The following PLCB4 variants were observed in gnomAD, a reference collection of about 807,000 sequenced individuals.
The protein encoded by PLCB4 is 1-phosphatidylinositol 4,5-bisphosphate phosphodiesterase beta-4.
Under a neutral mutation model 178.8 loss-of-function variants are expected in PLCB4, and 77 were observed. That is an observed-to-expected ratio of 0.43 (90% CI 0.36 to 0.52). The LOEUF (loss-of-function observed/expected upper bound fraction) is 0.52, where lower values mean the gene tolerates loss of function less well. Among genes scored for constraint, PLCB4 ranks in the 20% least tolerant of loss-of-function variants. The pLI is 0.00. For missense variants in PLCB4, 1,024 were observed against 1,453.4 expected (o/e 0.70, Z 4.80); for synonymous variants, 496 against 490.8 (o/e 1.01, Z -0.14).
At chr20:9,410,557 C>A (rs753374681) in intron 24 of PLCB4, among the ~76,000 whole-genome samples, 27 of 152,100 alleles carry the variant, frequency 1.8e-4, no homozygotes, top group Non-Finnish European at 3.8e-4. Flanking sequence ...CCAGTGTAGA[C>A]CCCACTAGAG....
At chr20:9,391,184 C>A (rs546491601) in intron 17 of PLCB4, among the ~76,000 whole-genome samples, 1 of 152,120 alleles carries the variant, frequency 6.6e-6, no homozygotes, top group African/African-American at 2.4e-5. Context: ...TCATGTTAAA[C>A]CTGCTAATTT....
chr20:9,209,472 T>C (rs967121860), intron 2 of PLCB4, among the ~76,000 whole-genome samples: 21 of 152,120 alleles, frequency 1.4e-4, no homozygotes, highest in Admixed American at 1.3e-3. Flanking sequence ...TTATGTTACA[T>C]GGCACAGTTT....
intron 3 of PLCB4, among the ~76,000 whole-genome samples, chr20:9,256,931 A>C (rs1023076519): frequency 6.6e-6 from 1 of 152,192 alleles, no homozygotes; most frequent in Non-Finnish European, 1.5e-5. Flanking sequence ...GTTGACATAA[A>C]TGGAAGGCAA....
In PLCB4 at chr20:9,444,158, A is replaced by T. The variant is rs371266996; in HGVS notation, c.2815-20A>T. 32 of 1,561,988 alleles carry T rather than the reference A, an allele frequency of 2.0e-5. No individual in the cohort carries two copies. Among genetic ancestry groups the T allele is most frequent in the Non-Finnish European group, 2.6e-5 (30 of 1,143,320 alleles). ...AGAAAAAACAAAAAACCTATTTTTG[A>T]TTCTATTTTTCTCCCAAAGGCTTAC... On this transcript the variant is annotated intron_variant, in intron 31 of 39. Coordinates refer to ENST00000378473, the MANE Select transcript of PLCB4 (RefSeq NM_001377142.1).
At chr20:9,191,904 A>G (rs2093410112) in intron 2 of PLCB4, among the ~76,000 whole-genome samples, 1 of 150,766 alleles carries the variant, frequency 6.6e-6, no homozygotes, top group Non-Finnish European at 1.5e-5. Context: ...TTAAATATAC[A>G]CATCCTTAGA....
At chr20:9,283,091 A>C (rs1202777114) in intron 3 of PLCB4, among the ~76,000 whole-genome samples, 1 of 151,960 alleles carries the variant, frequency 6.6e-6, no homozygotes, top group East Asian at 1.9e-4. Flanking sequence ...AGGGAGGGGA[A>C]GACTTTCTGG....
intron 7 of PLCB4, among the ~76,000 whole-genome samples, chr20:9,356,697 A>G (rs990966599): frequency 1.3e-5 from 2 of 152,220 alleles, no homozygotes; most frequent in Non-Finnish European, 2.9e-5. Context: ...GTCAAAAACT[A>G]TATTTCAAAT....
intron 7 of PLCB4, among the ~76,000 whole-genome samples, chr20:9,351,233 C>T (rs1022463097): frequency 1.3e-5 from 2 of 151,222 alleles, no homozygotes; most frequent in Non-Finnish European, 2.9e-5. Context: ...ATATGCACAA[C>T]GTGCAGGTTA....
At chr20:9,138,630 G>A (rs950776447) in intron 2 of PLCB4, among the ~76,000 whole-genome samples, 1 of 152,012 alleles carries the variant, frequency 6.6e-6, no homozygotes, top group African/African-American at 2.4e-5. Flanking sequence ...TGGGTTGCTT[G>A]GAAATATGGT....
At position 9,192,442 on chromosome 20, in the gene PLCB4, T is replaced by A. The variant is rs73093810; in HGVS notation, c.-78-24948T>A. Among the ~76,000 whole-genome samples the A allele has an allele frequency of 1.5e-3, 221 of 152,230 alleles. 1 individual carries two copies. The highest frequency in any genetic ancestry group is 1.5e-3 in the Non-Finnish European group (105 of 68,016). On this transcript the variant is annotated intron_variant, in intron 2 of 39. Coordinates refer to ENST00000378473, the MANE Select transcript of PLCB4 (RefSeq NM_001377142.1). Reference sequence around the variant, plus strand: ...GTTCATGAATGTGTGACCTGTGGAATTGCACAGGGTTCTAGACTCAGAAAG... The same window carrying A: ...GTTCATGAATGTGTGACCTGTGGAAATGCACAGGGTTCTAGACTCAGAAAG...
chr20:9,069,305 C>T (rs1600196323), intron 1 of PLCB4, 99 bp downstream of exon 1: 2 of 152,376 alleles, frequency 1.3e-5, no homozygotes, highest in African/African-American at 2.4e-5. Context: ...GACGCGCGCG[C>T]GCGCGCACCC....
At chr20:9,084,765 G>T (rs1028496075) in intron 1 of PLCB4, among the ~76,000 whole-genome samples, 1 of 151,974 alleles carries the variant, frequency 6.6e-6, no homozygotes, top group Non-Finnish European at 1.5e-5. Context: ...ATAAAGATTG[G>T]ATATAAAGAC....
At chr20:9,203,056 A>AAAAAAAATAT (rs769628056) in intron 2 of PLCB4, among the ~76,000 whole-genome samples, 2 of 126,162 alleles carry the variant, frequency 1.6e-5, no homozygotes, top group African/African-American at 6.6e-5. Context: ...AAAAAAAAAA[A>AAAAAAAATAT]ATATATATAT....
intron 2 of PLCB4, among the ~76,000 whole-genome samples, chr20:9,174,705 T>G (rs977781934): frequency 6.6e-6 from 1 of 152,160 alleles, no homozygotes; most frequent in Non-Finnish European, 1.5e-5. Flanking sequence ...AGTCCTTCCT[T>G]CACAATTGTC....
intron 3 of PLCB4, among the ~76,000 whole-genome samples, chr20:9,292,228 C>A (rs1423293465): frequency 6.6e-6 from 1 of 152,120 alleles, no homozygotes; most frequent in African/African-American, 2.4e-5. Context: ...AAAATCTTTC[C>A]TTTGAAATAG....
intron 15 of PLCB4, among the ~76,000 whole-genome samples, chr20:9,388,574 C>T (rs1177068706): frequency 6.6e-6 from 1 of 152,144 alleles, no homozygotes; most frequent in African/African-American, 2.4e-5. Flanking sequence ...CAAAAATTAG[C>T]TGGTGTGGTG....
chr20:9,143,431 A>G (rs2092534947), intron 2 of PLCB4, among the ~76,000 whole-genome samples: 1 of 152,146 alleles, frequency 6.6e-6, no homozygotes, highest in South Asian at 2.1e-4. Context: ...CTTTATATTC[A>G]GGCATAGTCA....
chr20:9,347,835 G>A (rs6077517), intron 7 of PLCB4, among the ~76,000 whole-genome samples: 3,182 of 152,262 alleles, frequency 0.021, 43 homozygotes, highest in Non-Finnish European at 0.034. Flanking sequence ...TTAGCCAGGC[G>A]TGGTGGCCCA....
Position 9,149,211 on chromosome 20 carries a change from C to T in PLCB4, c.-79+52869C>T, listed in dbSNP as rs138486351. 2.2e-3 allele frequency among the ~76,000 whole-genome samples: 328 copies of T among 152,236 alleles called. 2 individuals are homozygous for T. Among genetic ancestry groups the T allele is most frequent in the Middle Eastern group, 0.014 (4 of 294 alleles). ...TCTTCCAATCAGCTCTCACCAGACT[C>T]CCCTTTTCTCCACAGCAGCCTGATC... is the stretch of plus-strand genomic sequence containing the variant. On this transcript the variant is annotated intron_variant, in intron 2 of 39. Coordinates refer to ENST00000378473, the MANE Select transcript of PLCB4 (RefSeq NM_001377142.1).
Sources: allele counts gnomAD v4.1 joint callset (sites outside exome capture counted in the v4.1 genomes callset), GRCh38; gene constraint gnomAD v4.1.1; transcripts MANE v1.5; gene names NCBI Gene and HGNC (gene_info 2026-07-23, HGNC 2026-07-21).